Variants in SLK observed in about 807,000 individuals in gnomAD.
SLK encodes STE20-like serine/threonine-protein kinase.
Under a neutral mutation model 147.7 loss-of-function variants are expected in SLK, and 67 were observed. The observed-to-expected ratio is 0.45, with a 90% CI of 0.37 to 0.56. The LOEUF (loss-of-function observed/expected upper bound fraction) is 0.56, where lower values mean the gene tolerates loss of function less well. Ranked by LOEUF, SLK falls within the 20% of genes least tolerant of loss-of-function variation. The probability of loss-of-function intolerance (pLI) is 0.00; values close to 1 mark genes in which losing one functional copy is unlikely to be tolerated. For synonymous variants in SLK, 441 were observed against 475.0 expected, an observed-to-expected ratio of 0.93 and a Z score of 0.93; for missense variants, 1,136 against 1,438.8, an observed-to-expected ratio of 0.79 and a Z score of 3.41.
At chr10:103,974,504 A>G (rs908982397) in intron 1 of SLK, 1 of 130,442 alleles carries the variant, frequency 7.7e-6, no homozygotes, top group African/African-American at 2.8e-5. Context: ...AGTCCCAGCT[A>G]CTCGGGAGGC....
intron 9 of SLK, 46 bp from the exon 10 acceptor site, chr10:104,005,514 TC>T: frequency 6.5e-7 from 1 of 1,534,536 alleles, no homozygotes; most frequent in East Asian, 2.3e-5. Flanking sequence ...GTTTTCTACC[TC>T]CAGTATTCCT....
Position 103,990,814 on chromosome 10 carries a change from C to A in SLK, c.290C>A (p.Ala97Asp). 6.6e-7 allele frequency: 1 copy of A among 1,524,854 alleles called. No homozygotes were observed. The highest frequency in any genetic ancestry group is 2.3e-5 in the Admixed American group (1 of 43,160). The allele number at this position is 1,524,854 out of a possible 1,614,324, so 94.5% of individuals were successfully genotyped here. ...DHPNIVKLLD[A>D]FYYENNLWIL... ...CCAAATATAGTCAAGCTTCTAGATG[C>A]CTTCTATTATGAGAACAATCTTTGG... is the stretch of plus-strand genomic sequence containing the variant. Residue 97 changes from alanine to aspartate, a missense_variant, in exon 2 of 19, where the codon GCC becomes GAC. Ala to Asp is a moderately radical substitution (Grantham distance 126). Coordinates refer to ENST00000369755, the MANE Select transcript of SLK (RefSeq NM_014720.4).
chr10:103,993,268 A>AAACACTTTTTT (rs1482405300), intron 4 of SLK, 135 bp downstream of exon 4: 7 of 525,548 alleles, frequency 1.3e-5, no homozygotes, highest in Admixed American at 4.0e-5. Flanking sequence ...GGTTTTTAAA[A>AAACACTTTTTT]AACACTTTTT....
intron 9 of SLK, among the ~76,000 whole-genome samples, chr10:104,004,759 G>A (rs888875672): frequency 6.6e-6 from 1 of 152,104 alleles, no homozygotes; most frequent in Non-Finnish European, 1.5e-5. Flanking sequence ...GTAAGTATCT[G>A]CCCTGAACAC....
rs76877015 is a variant in SLK at position 103,991,923 on chromosome 10, A to G, written c.316-675A>G. ...ACAGATAAGACCTTTACTTGGGACT[A>G]TTGCACAATAAAAATTTAGACAACT... On this transcript the variant is annotated intron_variant, in intron 2 of 18. Coordinates refer to ENST00000369755, the MANE Select transcript of SLK (RefSeq NM_014720.4). Among the ~76,000 whole-genome samples the G allele has an allele frequency of 3.9e-3, 598 of 152,126 alleles. 2 individuals carry two copies. Among genetic ancestry groups the G allele is most frequent in the Middle Eastern group, 0.031 (9 of 294 alleles).
chr10:103,992,159 T>TTTTTC (rs1554842829), intron 2 of SLK, among the ~76,000 whole-genome samples: 2 of 138,944 alleles, frequency 1.4e-5, no homozygotes, highest in African/African-American at 5.2e-5. Context: ...TTTTTTTTTT[T>TTTTTC]CTAAAAGAAG....
At chr10:103,978,538 T>G (rs1404089048) in intron 1 of SLK, among the ~76,000 whole-genome samples, 2 of 152,260 alleles carry the variant, frequency 1.3e-5, no homozygotes, top group African/African-American at 2.4e-5. Flanking sequence ...AAAGAACTAA[T>G]CGATTCAGTG....
chr10:103,974,303 C>T (rs1843831044), intron 1 of SLK, among the ~76,000 whole-genome samples: 3 of 152,052 alleles, frequency 2.0e-5, no homozygotes, highest in Admixed American at 6.5e-5. Flanking sequence ...GATACTTGGC[C>T]ATTCTTTCCT....
chr10:103,998,296 C>CAT (rs1440722442), intron 4 of SLK, among the ~76,000 whole-genome samples: 3 of 152,128 alleles, frequency 2.0e-5, no homozygotes, highest in Non-Finnish European at 4.4e-5. Context: ...GCATTTATAG[C>CAT]ATGAGGTGAA....
rs1844598554 is a variant in SLK, at chr10:104,026,292, C to A, written c.*572C>A. 1 of 152,540 alleles carries A rather than the reference C, an allele frequency of 6.6e-6. No individual in the cohort carries two copies. The highest frequency in any genetic ancestry group is 2.4e-5 in the African/African-American group (1 of 41,392). The allele number at this position is 152,540 out of a possible 1,614,324, so 9.4% of individuals were successfully genotyped here. ...TTCAGTGATTTGTCAAAACGAATTA[C>A]CTCTTTTGGCATGAGCTAATAATTG... is the stretch of plus-strand genomic sequence containing the variant. On this transcript the variant is annotated 3_prime_UTR_variant, in exon 19 of 19. Transcript: ENST00000369755.
rs192820921 is a variant in SLK, at chr10:104,027,084, C to T, written c.*1364C>T. The T allele has an allele frequency of 2.6e-5, 4 of 152,244 alleles. No individual in the cohort carries two copies. The highest frequency in any genetic ancestry group is 6.8e-3 in the Middle Eastern group (2 of 294). 9.4% of individuals were successfully genotyped at this position (152,244 alleles called of 1,614,324 possible). On this transcript the variant is annotated 3_prime_UTR_variant, in exon 19 of 19. Coordinates refer to ENST00000369755, the MANE Select transcript of SLK (RefSeq NM_014720.4). Reference sequence around the variant, plus strand: ...TATTCTCTCTTAAGAGTGCTAGGTACCAAATTGTGAAAGTTTGTTTTCAGT... The same window carrying T: ...TATTCTCTCTTAAGAGTGCTAGGTATCAAATTGTGAAAGTTTGTTTTCAGT...
At chr10:104,005,878 T>A in intron 10 of SLK, 34 bp from the exon 11 acceptor site, 1 of 1,570,398 alleles carries the variant, frequency 6.4e-7, no homozygotes, top group East Asian at 2.2e-5. Context: ...TAATTTTTGC[T>A]GTCTTCTCTA....
At chr10:104,000,993 A>C (rs545358667) in intron 7 of SLK, among the ~76,000 whole-genome samples, 1 of 140,068 alleles carries the variant, frequency 7.1e-6, no homozygotes, top group Admixed American at 7.3e-5. Context: ...TGGGAGATGG[A>C]GATTGCAGTA....
In SLK at chr10:103,990,724, C is replaced by G; in HGVS notation, c.200C>G (p.Thr67Ser). Residue 67 changes from threonine (T) to serine (S), a missense_variant, in exon 2 of 19, where the codon ACT (threonine) becomes AGT (serine). Thr to Ser is a moderately conservative substitution (Grantham distance 58). This residue lies in a region of SLK where 126 missense variants were observed against 141.3 expected (regional missense o/e 0.89). Coordinates refer to ENST00000369755, the MANE Select transcript of SLK (RefSeq NM_014720.4). The stretch of plus-strand genomic sequence containing the variant: ...TTAGCTGCTGCAAAAGTGATTGACA[C>G]TAAATCTGAAGAAGAACTTGAAGAT... The part of the protein sequence containing the change: ...SVLAAAKVID[T>S]KSEEELEDYM... 2 of 1,572,682 alleles carry G rather than the reference C, an allele frequency of 1.3e-6. No individual in the cohort carries two copies. The highest frequency in any genetic ancestry group is 1.7e-6 in the Non-Finnish European group (2 of 1,162,430).
Position 104,002,698 on chromosome 10 carries a change from G to A in SLK, c.1520G>A (p.Gly507Glu). 6.2e-7 allele frequency: 1 copy of A among 1,611,932 alleles called. No homozygotes were observed. Among genetic ancestry groups the A allele is most frequent in the Non-Finnish European group, 8.5e-7 (1 of 1,179,398 alleles). Residue 507 changes from glycine (G) to glutamate (E), a missense_variant, in exon 9 of 19, where the codon GGA becomes GAA. Gly to Glu is a moderately conservative substitution (Grantham distance 98). Transcript: ENST00000369755. ...GTAGATTTAGTTTCTCAAGAGACTG[G>A]AGAAAAAGAGGCAAATATTCAGGCA... Reference protein sequence around the residue: ...QTVDLVSQETGEKEANIQAVD... With the variant: ...QTVDLVSQETEEKEANIQAVD...
At chr10:103,996,591 G>A (rs1564656236) in intron 4 of SLK, among the ~76,000 whole-genome samples, 1 of 151,854 alleles carries the variant, frequency 6.6e-6, no homozygotes, top group Non-Finnish European at 1.5e-5. Flanking sequence ...GTAGAGACGG[G>A]GTTTCACCGT....
chr10:103,973,894 T>A (rs1226403192), intron 1 of SLK, among the ~76,000 whole-genome samples: 1 of 152,196 alleles, frequency 6.6e-6, no homozygotes, highest in African/African-American at 2.4e-5. Flanking sequence ...TTTAAAGAAT[T>A]TTTAAGATTT....
chr10:104,020,980 T>G (rs541737388), intron 17 of SLK, among the ~76,000 whole-genome samples: 13 of 152,348 alleles, frequency 8.5e-5, no homozygotes, highest in African/African-American at 3.1e-4. Context: ...AATTTAAAAT[T>G]TCTTTTCCAT....
chr10:103,993,171 C>T, intron 4 of SLK, 38 bp downstream of exon 4: 1 of 1,482,262 alleles, frequency 6.7e-7, no homozygotes. Context: ...AGAATTTTTA[C>T]TCTGAAATTT....
Sources: allele counts gnomAD v4.1 joint callset (sites outside exome capture counted in the v4.1 genomes callset), GRCh38; gene constraint gnomAD v4.1.1; regional missense constraint gnomAD v4.1.1; transcripts MANE v1.5; gene names NCBI Gene and HGNC (gene_info 2026-07-23, HGNC 2026-07-21).